Variants in PRUNE2 observed in about 807,000 individuals in gnomAD.
PRUNE2 encodes prune homolog 2 with BCH domain, also known as protein prune homolog 2.
In PRUNE2, 164 loss-of-function variants were observed where a neutral mutation model predicts 252.0. The ratio of observed to expected loss-of-function variants is 0.65; its 90% CI spans 0.57 to 0.74. The LOEUF is 0.74. Among genes scored for constraint, PRUNE2 ranks in the 30% least tolerant of loss-of-function variants. PRUNE2 has a pLI of 0.00. For synonymous variants in PRUNE2, 1,292 were observed against 1,350.2 expected (o/e 0.96, Z 0.94); for missense variants, 3,495 against 3,711.0 (o/e 0.94, Z 1.51).
intron 1 of PRUNE2, among the ~76,000 whole-genome samples, chr9:76,872,187 G>T (rs1339818349): frequency 6.6e-6 from 1 of 152,076 alleles, no homozygotes; most frequent in East Asian, 1.9e-4. Flanking sequence ...CACCTTCCAA[G>T]CATCGTCACA....
chr9:76,795,580 G>A (rs2056019021), intron 6 of PRUNE2, among the ~76,000 whole-genome samples: 1 of 152,120 alleles, frequency 6.6e-6, no homozygotes, highest in African/African-American at 2.4e-5. Context: ...AAAGTGATGT[G>A]ATCATGTTAT....
Position 76,710,924 on chromosome 9 carries a change from G to T in PRUNE2, c.1350C>A (p.Ser450Arg), listed in dbSNP as rs370952792. The T allele has an allele frequency of 6.4e-7, 1 of 1,566,392 alleles. No homozygotes were observed. The highest frequency in any genetic ancestry group is 8.7e-7 in the Non-Finnish European group (1 of 1,155,726). ...KESSVFLSDD[S>R]PVGEGAGPHH... ...GAGGCCCAGCACCTTCTCCCACGGG[G>T]CTGTCGTCACTGAGGAAAACAGAGC... The change falls in exon 8 of 19, where the codon AGC becomes AGA. Residue 450 changes from serine (S) to arginine (R), a missense_variant. Physicochemically the swap from Ser to Arg is moderately radical, Grantham distance 110. Coordinates refer to ENST00000376718, the MANE Select transcript of PRUNE2 (RefSeq NM_015225.3).
intron 9 of PRUNE2, chr9:76,687,557 G>T: frequency 3.5e-6 from 1 of 284,234 alleles, no homozygotes; most frequent in South Asian, 3.0e-5. Flanking sequence ...GATTGTTCTA[G>T]TAATCTGCCT....
chr9:76,779,287 G>T (rs2054124408), intron 6 of PRUNE2, among the ~76,000 whole-genome samples: 1 of 150,456 alleles, frequency 6.6e-6, no homozygotes, highest in Non-Finnish European at 1.5e-5. Context: ...AAGGAGAACT[G>T]AAAAATAGCA....
At chr9:76,826,338 C>G (rs7341854) in intron 5 of PRUNE2, among the ~76,000 whole-genome samples, 73,604 of 151,888 alleles carry the variant, frequency 0.48, 17,907 homozygotes, top group Middle Eastern at 0.54. Flanking sequence ...AGCTGACTGT[C>G]ATGGTGCATG....
In PRUNE2 at chr9:76,704,041, A is replaced by T; in HGVS notation, c.7572T>A (p.Pro2524=). 2 of 1,609,770 alleles carry T rather than the reference A, an allele frequency of 1.2e-6. No homozygotes were observed. Among genetic ancestry groups the T allele is most frequent in the Non-Finnish European group, 1.7e-6 (2 of 1,178,844 alleles). The change falls in exon 9 of 19, where the codon CCT becomes CCA. Residue 2524 remains proline (P), a synonymous_variant. Transcript: ENST00000376718. ...EEEKTIPTKE[P]EQIKSEYKEE... The stretch of plus-strand genomic sequence containing the variant: ...CCTTGTATTCTGATTTTATCTGCTC[A>T]GGCTCTTTGGTAGGAATTGTTTTTT...
intron 1 of PRUNE2, among the ~76,000 whole-genome samples, chr9:76,894,957 T>A (rs762384516): frequency 6.6e-6 from 1 of 151,612 alleles, no homozygotes; most frequent in East Asian, 1.9e-4. Context: ...ACCAGGGAGG[T>A]AGAGGTTGCA....
At chr9:76,779,642 A>G (rs1198392308) in intron 6 of PRUNE2, 2 of 152,334 alleles carry the variant, frequency 1.3e-5, no homozygotes, top group African/African-American at 4.8e-5. Context: ...AATCTGAAAC[A>G]TTGTCCCTGG....
intron 14 of PRUNE2, among the ~76,000 whole-genome samples, chr9:76,636,972 AATGTGTGTGTGTGTGTGTGTGTGT>A (rs1375667773): frequency 2.3e-5 from 3 of 131,470 alleles, no homozygotes; most frequent in Admixed American, 2.2e-4. Context: ...CAACAACAAA[AATGTGTGTGTGTGTGTGTGTGTGT>A]GTGTGTGTGT....
chr9:76,734,947 G>A (rs2048947852), intron 6 of PRUNE2, among the ~76,000 whole-genome samples: 1 of 152,158 alleles, frequency 6.6e-6, no homozygotes, highest in Non-Finnish European at 1.5e-5. Flanking sequence ...ATGGAGAGAG[G>A]AGTGTCCCTG....
intron 6 of PRUNE2, among the ~76,000 whole-genome samples, chr9:76,722,568 G>A (rs2047741225): frequency 6.6e-6 from 1 of 152,146 alleles, no homozygotes; most frequent in Admixed American, 6.5e-5. Flanking sequence ...ATATGTACAT[G>A]AATATGTAAC....
rs367888324 is a variant in PRUNE2, at chr9:76,867,793, G to C, written c.37-13585C>G. On this transcript the variant is annotated intron_variant, in intron 1 of 18. Coordinates refer to ENST00000376718, the MANE Select transcript of PRUNE2 (RefSeq NM_015225.3). The stretch of plus-strand genomic sequence containing the variant: ...TCACCATGTTGGTCAGGTTGGTCTC[G>C]AACTCCTGACCTTGTGATCCGCCCA... Among the ~76,000 whole-genome samples, 4 of 152,104 alleles carry C rather than the reference G, an allele frequency of 2.6e-5. No individual in the cohort carries two copies. The South Asian group carries it at 6.2e-4, about 24-fold the overall frequency.
chr9:76,638,510 C>A (rs1841127597), intron 12 of PRUNE2, among the ~76,000 whole-genome samples: 1 of 152,004 alleles, frequency 6.6e-6, no homozygotes, highest in Admixed American at 6.6e-5. Context: ...ATATATAGGG[C>A]AATTATATTT....
intron 9 of PRUNE2, among the ~76,000 whole-genome samples, chr9:76,660,309 C>G (rs1850811533): frequency 1.3e-5 from 2 of 152,156 alleles, no homozygotes; most frequent in Non-Finnish European, 1.5e-5. Flanking sequence ...AAAAAACTCT[C>G]TCCTCTGGCC....
chr9:76,701,407 A>C (rs2045878500), intron 9 of PRUNE2, among the ~76,000 whole-genome samples: 1 of 152,242 alleles, frequency 6.6e-6, no homozygotes, highest in South Asian at 2.1e-4. Flanking sequence ...TGAGCAAAGA[A>C]ATCTTGTTGA....
chr9:76,731,124 G>A (rs983427388), intron 6 of PRUNE2, among the ~76,000 whole-genome samples: 11 of 151,894 alleles, frequency 7.2e-5, no homozygotes, highest in African/African-American at 2.4e-4. Flanking sequence ...ATGAGCAATG[G>A]GGCTTTCATA....
chr9:76,850,684 A>G lies in PRUNE2; in HGVS notation c.142-19T>C. On this transcript the variant is annotated intron_variant, in intron 2 of 18. Coordinates refer to ENST00000376718, the MANE Select transcript of PRUNE2 (RefSeq NM_015225.3). ...GACTGACCTACCAAGAAAAAAGTTG[A>G]CTGAATTACTGAAAATAGCAGGAGG... 1 of 1,539,136 alleles carries G rather than the reference A, an allele frequency of 6.5e-7. No individual in the cohort carries two copies. The highest frequency in any genetic ancestry group is 9.0e-7 in the Non-Finnish European group (1 of 1,113,810).
chr9:76,710,324 A>G lies in PRUNE2; in HGVS notation c.1950T>C (p.His650=), dbSNP rs780165336. ...DTGHMGPPQT[H]ARCSSWWGGL... is the part of the protein sequence containing the mutation. Reference sequence around the variant, plus strand: ...CACCCCACCAGCTGCTGCACCGTGCATGGGTCTGAGGTGGCCCCATGTGAC... The same window carrying G: ...CACCCCACCAGCTGCTGCACCGTGCGTGGGTCTGAGGTGGCCCCATGTGAC... Residue 650 remains histidine (H), a synonymous_variant, in exon 8 of 19, where the codon CAT becomes CAC. Coordinates refer to ENST00000376718, the MANE Select transcript of PRUNE2 (RefSeq NM_015225.3). The G allele has an allele frequency of 5.0e-6, 8 of 1,614,034 alleles. No individual in the cohort carries two copies. The highest frequency in any genetic ancestry group is 1.1e-5 in the South Asian group (1 of 91,084).
chr9:76,841,854 G>A (rs2059409780), intron 4 of PRUNE2, among the ~76,000 whole-genome samples: 1 of 152,138 alleles, frequency 6.6e-6, no homozygotes, highest in Non-Finnish European at 1.5e-5. Flanking sequence ...TGGGGGAAGG[G>A]GCGGCTGTGG....
Sources: gnomAD v4.1 joint callset for allele counts (sites outside exome capture counted in the v4.1 genomes callset) on GRCh38, gnomAD v4.1.1 for gene constraint, MANE v1.5 for transcripts, NCBI Gene and HGNC (gene_info 2026-07-23, HGNC 2026-07-21) for gene names.